LRTM1: variants seen among roughly 807,000 people sequenced by gnomAD.
The protein encoded by LRTM1 is leucine rich repeat transmembrane protein 1, also known as leucine-rich repeat and transmembrane domain-containing protein 1.
A neutral mutation model predicts 32.4 loss-of-function variants in LRTM1; 38 were observed. That is an observed-to-expected ratio of 1.17 (90% CI 0.91 to 1.54). The LOEUF (loss-of-function observed/expected upper bound fraction) is 1.54, where lower values mean the gene tolerates loss of function less well. Among genes scored for constraint, LRTM1 ranks in the 40% most tolerant of loss-of-function variants. The pLI is 0.00. For missense variants in LRTM1, 466 were observed against 415.4 expected (o/e 1.12, Z -1.06); for synonymous variants, 186 against 169.9 (o/e 1.09, Z -0.74).
At chr3:54,964,508 T>C (rs1427647117) in intron 1 of LRTM1, among the ~76,000 whole-genome samples, 5 of 152,152 alleles carry the variant, frequency 3.3e-5, no homozygotes, top group Admixed American at 6.5e-5. Flanking sequence ...CTTAAATCAA[T>C]ATACTGTTAC....
intron 1 of LRTM1, among the ~76,000 whole-genome samples, chr3:54,961,581 A>G (rs781635017): frequency 1.3e-5 from 2 of 152,180 alleles, no homozygotes; most frequent in African/African-American, 4.8e-5. Flanking sequence ...TGGACACCAC[A>G]ATGAAATGGT....
intron 1 of LRTM1, among the ~76,000 whole-genome samples, chr3:54,934,334 C>T (rs534689163): frequency 7.9e-5 from 12 of 152,242 alleles, no homozygotes; most frequent in African/African-American, 2.4e-4. Context: ...CCTCTTGAGC[C>T]GTTCAGTGGA....
chr3:54,955,656 A>G (rs1283627068), intron 1 of LRTM1, among the ~76,000 whole-genome samples: 1 of 152,124 alleles, frequency 6.6e-6, no homozygotes, highest in Non-Finnish European at 1.5e-5. Flanking sequence ...TGTTGGTGGA[A>G]TGGAGAAATG....
chr3:54,951,507 T>C (rs991514998), intron 1 of LRTM1, among the ~76,000 whole-genome samples: 7 of 152,164 alleles, frequency 4.6e-5, no homozygotes, highest in African/African-American at 1.4e-4. Flanking sequence ...AGTTGTAGGA[T>C]TTCAGTTACT....
intron 1 of LRTM1, among the ~76,000 whole-genome samples, chr3:54,933,561 C>T (rs1048072355): frequency 6.6e-6 from 1 of 152,166 alleles, no homozygotes; most frequent in African/African-American, 2.4e-5. Context: ...AGCAGTGTGT[C>T]TTGGAAGAAG....
intron 1 of LRTM1, among the ~76,000 whole-genome samples, chr3:54,944,535 G>A (rs564829708): frequency 1.1e-4 from 16 of 151,918 alleles, no homozygotes; most frequent in South Asian, 1.0e-3. Context: ...ATTCCCCTGC[G>A]TCAGCCTCCT....
intron 1 of LRTM1, among the ~76,000 whole-genome samples, chr3:54,954,427 CA>C (rs1398223447): frequency 2.6e-5 from 4 of 152,224 alleles, no homozygotes; most frequent in African/African-American, 7.2e-5. Context: ...CTGTGTGGAG[CA>C]GAATACTCCT....
chr3:54,952,543 T>A (rs1021407269), intron 1 of LRTM1, among the ~76,000 whole-genome samples: 1 of 152,206 alleles, frequency 6.6e-6, no homozygotes, highest in African/African-American at 2.4e-5. Context: ...GCAGACGGAA[T>A]GTCAATCTTT....
At chr3:54,951,095 G>A (rs537112708) in intron 1 of LRTM1, among the ~76,000 whole-genome samples, 1 of 152,256 alleles carries the variant, frequency 6.6e-6, no homozygotes, top group East Asian at 1.9e-4. Flanking sequence ...TCTACAGAAC[G>A]CTCCAACTAT....
intron 1 of LRTM1, among the ~76,000 whole-genome samples, chr3:54,926,094 C>A (rs1701006459): frequency 6.6e-6 from 1 of 152,098 alleles, no homozygotes; most frequent in South Asian, 2.1e-4. Flanking sequence ...GATTCATGCC[C>A]AATTTCTATT....
At chr3:54,938,670 G>T (rs1701387873) in intron 1 of LRTM1, among the ~76,000 whole-genome samples, 1 of 145,642 alleles carries the variant, frequency 6.9e-6, no homozygotes, top group Non-Finnish European at 1.5e-5. Context: ...TCTTCTCCTT[G>T]TCCTGTGACC....
chr3:54,951,588 C>T (rs1346756590), intron 1 of LRTM1, among the ~76,000 whole-genome samples: 2 of 152,184 alleles, frequency 1.3e-5, no homozygotes, highest in African/African-American at 4.8e-5. Context: ...CACTGAGAAC[C>T]ACAGGAGAGC....
At chr3:54,919,948 AGAG>A (rs1280627169) in intron 2 of LRTM1, among the ~76,000 whole-genome samples, 2 of 152,174 alleles carry the variant, frequency 1.3e-5, no homozygotes, top group African/African-American at 2.4e-5. Context: ...TTGTGAGGTC[AGAG>A]GAGTGGGCAG....
Position 54,924,613 on chromosome 3 carries a change from A to T in LRTM1, c.604+6T>A, listed in dbSNP as rs752282581. On this transcript the variant is annotated splice_donor_region_variant and intron_variant, in intron 2 of 2. Coordinates refer to ENST00000273286, the MANE Select transcript of LRTM1 (RefSeq NM_020678.4). ...AGATGGGGGGTTCCAAATAGACATG[A>T]CTGACCTTTATAGACAAATTTCTCC... 8 of 1,608,054 alleles carry T rather than the reference A, an allele frequency of 5.0e-6. No individual in the cohort carries two copies. The South Asian group carries it at 8.8e-5, about 18-fold the overall frequency.
At chr3:54,933,672 A>C (rs976063847) in intron 1 of LRTM1, among the ~76,000 whole-genome samples, 1 of 152,188 alleles carries the variant, frequency 6.6e-6, no homozygotes, top group African/African-American at 2.4e-5. Flanking sequence ...TTAAGTTTCA[A>C]ATGACCTGTT....
chr3:54,959,846 C>T (rs181423830), intron 1 of LRTM1, among the ~76,000 whole-genome samples: 41 of 152,136 alleles, frequency 2.7e-4, no homozygotes, highest in African/African-American at 8.4e-4. Flanking sequence ...ATGCTAGCTC[C>T]GGCAGCCTGG....
chr3:54,955,460 A>G (rs1273700971), intron 1 of LRTM1, among the ~76,000 whole-genome samples: 2 of 151,670 alleles, frequency 1.3e-5, no homozygotes, highest in East Asian at 3.9e-4. Context: ...TTTGGAAAAA[A>G]GAAAAAAGAA....
At chr3:54,940,929 C>T (rs530478387) in intron 1 of LRTM1, among the ~76,000 whole-genome samples, 1 of 152,222 alleles carries the variant, frequency 6.6e-6, no homozygotes, top group South Asian at 2.1e-4. Context: ...GCCATAAATG[C>T]CGATCCTCTT....
At chr3:54,950,009 A>G (rs1701717075) in intron 1 of LRTM1, among the ~76,000 whole-genome samples, 1 of 152,198 alleles carries the variant, frequency 6.6e-6, no homozygotes, top group African/African-American at 2.4e-5. Context: ...AAAGAAAAAG[A>G]TTCGTCTTGA....
Sources: allele counts gnomAD v4.1 joint callset (sites outside exome capture counted in the v4.1 genomes callset), GRCh38; gene constraint gnomAD v4.1.1; transcripts MANE v1.5; gene names NCBI Gene and HGNC (gene_info 2026-07-23, HGNC 2026-07-21).